NRG1: variants seen among roughly 807,000 people sequenced by gnomAD.
NRG1 encodes neuregulin 1, also known as pro-neuregulin-1, membrane-bound isoform.
In NRG1, 18 loss-of-function variants were observed where a neutral mutation model predicts 63.8. The ratio of observed to expected loss-of-function variants is 0.28; its 90% confidence interval spans 0.19 to 0.42. The LOEUF is 0.42. Ranked by LOEUF, NRG1 falls within the 10% of genes least tolerant of loss-of-function variation. The pLI is 1.00. For missense variants in NRG1, 762 were observed against 814.7 expected, an observed-to-expected ratio of 0.94 and a Z score of 0.79; for synonymous variants, 302 against 301.3, an observed-to-expected ratio of 1.00 and a Z score of -0.02.
rs62497630 is a variant in NRG1, at chr8:32,344,430, T to C, written c.38-251398T>C. On this transcript the variant is annotated intron_variant, in intron 1 of 10. Transcript: ENST00000519301. The stretch of plus-strand genomic sequence containing the variant: ...GCATGCGTGCATGCATGTGTGTGTG[T>C]GTGTGTGTGTGTGTGTGTGTGTGTG... Among the ~76,000 whole-genome samples, 9 of 40,858 alleles carry C rather than the reference T, an allele frequency of 2.2e-4. 1 individual carries two copies. The highest frequency in any genetic ancestry group is 3.9e-4 in the Non-Finnish European group (6 of 15,388). The allele number at this position is 40,858 out of a possible 152,430, so 26.8% of individuals were successfully genotyped here. A position where few individuals can be genotyped will look rare whatever the true frequency, so the allele number is the denominator to read the frequency against.
At chr8:32,410,878 A>ATT (rs150202882) in intron 1 of NRG1, among the ~76,000 whole-genome samples, 1 of 141,860 alleles carries the variant, frequency 7.0e-6, no homozygotes, top group Admixed American at 7.1e-5. Context: ...CACAACCCAC[A>ATT]TTTTTTTTTT....
At chr8:32,150,999 C>A (rs1480932621) in intron 1 of NRG1, among the ~76,000 whole-genome samples, 2 of 152,050 alleles carry the variant, frequency 1.3e-5, no homozygotes, top group African/African-American at 4.8e-5. Context: ...CAGCTGTCAA[C>A]TAGGATAGGG....
intron 1 of NRG1, among the ~76,000 whole-genome samples, chr8:31,682,814 G>A (rs965565170): frequency 1.3e-5 from 2 of 152,042 alleles, no homozygotes; most frequent in African/African-American, 4.8e-5. Context: ...AAACATACAA[G>A]CTAAATGATA....
intron 1 of NRG1, among the ~76,000 whole-genome samples, chr8:32,164,773 A>G (rs1437387877): frequency 1.3e-5 from 2 of 152,210 alleles, no homozygotes; most frequent in African/African-American, 4.8e-5. Context: ...ATCAACCAGC[A>G]TTGATCCAAT....
At chr8:32,639,190 G>C (rs1396998931) in intron 5 of NRG1, among the ~76,000 whole-genome samples, 2 of 152,140 alleles carry the variant, frequency 1.3e-5, no homozygotes, top group African/African-American at 4.8e-5. Context: ...CGGATCACCT[G>C]AGGTCAGGAG....
chr8:32,332,110 A>T (rs1286483959), intron 1 of NRG1, among the ~76,000 whole-genome samples: 1 of 152,112 alleles, frequency 6.6e-6, no homozygotes, highest in South Asian at 2.1e-4. Flanking sequence ...GCATAGCAAG[A>T]CCCCATCTCT....
At chr8:32,616,591 G>T (rs912645640) in intron 4 of NRG1, among the ~76,000 whole-genome samples, 23 of 151,970 alleles carry the variant, frequency 1.5e-4, no homozygotes, top group African/African-American at 5.6e-4. Flanking sequence ...TTGGTGTGTG[G>T]GATATTCTTA....
chr8:32,042,151 A>G (rs1261319424), intron 1 of NRG1, among the ~76,000 whole-genome samples: 1 of 152,304 alleles, frequency 6.6e-6, no homozygotes, highest in Non-Finnish European at 1.5e-5. Context: ...ATGAATTAAA[A>G]CAAGATTTAG....
At chr8:32,747,188 G>T (rs1827607646) in intron 7 of NRG1, among the ~76,000 whole-genome samples, 1 of 152,090 alleles carries the variant, frequency 6.6e-6, no homozygotes, top group Admixed American at 6.6e-5. Flanking sequence ...ACTTAACCAA[G>T]CTTTCTATGC....
At chr8:32,442,228 T>C (rs1481019214) in intron 1 of NRG1, among the ~76,000 whole-genome samples, 1 of 152,110 alleles carries the variant, frequency 6.6e-6, no homozygotes, top group Non-Finnish European at 1.5e-5. Flanking sequence ...AGTGTTTGCT[T>C]TTCTCCACCT....
At chr8:32,673,543 A>G (rs1053016802) in intron 5 of NRG1, among the ~76,000 whole-genome samples, 1 of 152,210 alleles carries the variant, frequency 6.6e-6, no homozygotes, top group African/African-American at 2.4e-5. Flanking sequence ...AGAAGATTAA[A>G]TAGCAAGTTG....
At chr8:32,294,584 C>T (rs1854614735) in intron 1 of NRG1, among the ~76,000 whole-genome samples, 1 of 152,148 alleles carries the variant, frequency 6.6e-6, no homozygotes, top group African/African-American at 2.4e-5. Flanking sequence ...ATTTCCAGTG[C>T]CTACCAGTTG....
chr8:31,809,958 C>T (rs1822723447), intron 1 of NRG1, among the ~76,000 whole-genome samples: 1 of 151,900 alleles, frequency 6.6e-6, no homozygotes, highest in Middle Eastern at 3.4e-3. Context: ...GCCTGTCAAT[C>T]TTGGGAGACC....
chr8:32,293,718 C>CTTTTTTTTT (rs770993591), intron 1 of NRG1, among the ~76,000 whole-genome samples: 6 of 108,274 alleles, frequency 5.5e-5, no homozygotes, highest in East Asian at 2.5e-4. Flanking sequence ...TTTTCTTCTT[C>CTTTTTTTTT]TTTTTTTTTT....
chr8:31,683,058 C>T (rs1050586376), intron 1 of NRG1, among the ~76,000 whole-genome samples: 3 of 152,070 alleles, frequency 2.0e-5, no homozygotes, highest in East Asian at 1.9e-4. Flanking sequence ...AACCCGCCCT[C>T]GGGAGAAACG....
At chr8:32,743,633 A>G (rs914688906) in intron 7 of NRG1, among the ~76,000 whole-genome samples, 5 of 146,474 alleles carry the variant, frequency 3.4e-5, no homozygotes, top group African/African-American at 1.0e-4. Flanking sequence ...GGAAGTTTGG[A>G]TAGATGTTCG....
chr8:31,851,870 G>A (rs918786390), intron 1 of NRG1, among the ~76,000 whole-genome samples: 2 of 150,128 alleles, frequency 1.3e-5, no homozygotes, highest in African/African-American at 2.4e-5. Context: ...CTGGTTTTTT[G>A]TTCTTGCGAT....
chr8:32,733,477 T>C (rs1824259465), intron 6 of NRG1, among the ~76,000 whole-genome samples: 1 of 152,178 alleles, frequency 6.6e-6, no homozygotes. Flanking sequence ...ATATATAATG[T>C]AAATGAAATA....
At chr8:32,425,167 G>T (rs1180142839) in intron 1 of NRG1, among the ~76,000 whole-genome samples, 2 of 152,180 alleles carry the variant, frequency 1.3e-5, no homozygotes, top group Non-Finnish European at 2.9e-5. Context: ...TATCCAAGCT[G>T]CAAAGAAACA....
Sources: allele counts gnomAD v4.1 joint callset (sites outside exome capture counted in the v4.1 genomes callset), GRCh38; gene constraint gnomAD v4.1.1; transcripts MANE v1.5; gene names NCBI Gene and HGNC (gene_info 2026-07-23, HGNC 2026-07-21).